The following MDC1 variants were observed in gnomAD, a reference collection of about 807,000 sequenced individuals.
MDC1 encodes the protein mediator of DNA damage checkpoint protein 1.
MDC1 carries 81 observed loss-of-function variants against 142.5 expected under a neutral mutation model. The ratio of observed to expected loss-of-function variants is 0.57; its 90% CI spans 0.47 to 0.68. The LOEUF is 0.68. MDC1 is among the 30% of genes least tolerant of loss of function. The pLI is 0.00. For missense variants in MDC1, 2,119 were observed against 2,547.9 expected (o/e 0.83, Z 3.62); for synonymous variants, 797 against 968.4 (o/e 0.82, Z 3.29).
chr6:30,700,712 C>A, intron 14 of MDC1, 80 bp from the exon 15 acceptor site: 1 of 1,422,364 alleles, frequency 7.0e-7, no homozygotes, highest in Non-Finnish European at 9.7e-7. Context: ...CCAGTCTTAC[C>A]ATCACTAAAA....
Position 30,704,404 on chromosome 6 carries a change from T to A in MDC1, c.4779A>T (p.Thr1593=), listed in dbSNP as rs371686223. ...SRNQLVTPEP[T]SRATRCRTNR... ...TTGTCCTGCACCTAGTGGCCCGAGA[T>A]GTGGGCTCAGGGGTGACAAGCTGGT... The change falls in exon 10 of 15, where the codon ACA becomes ACT. Residue 1593 remains threonine (T), a synonymous_variant. Coordinates refer to ENST00000376406, the MANE Select transcript of MDC1 (RefSeq NM_014641.3). The A allele has an allele frequency of 7.5e-6, 12 of 1,610,264 alleles. No individual in the cohort carries two copies. Among genetic ancestry groups the A allele is most frequent in the Non-Finnish European group, 7.6e-6 (9 of 1,179,062 alleles).
In MDC1 at chr6:30,704,371, G is replaced by C; in HGVS notation, c.4812C>G (p.Ser1604=). The change falls in exon 10 of 15, where the codon TCC becomes TCG. Residue 1604 remains serine (S), a synonymous_variant. Coordinates refer to ENST00000376406, the MANE Select transcript of MDC1 (RefSeq NM_014641.3). ...CAACTGGCTCAGGGGTCTTGACAGAGGACCTATTTGTCCTGCACCTAGTGG... is the reference window on the plus strand; with the variant it reads ...CAACTGGCTCAGGGGTCTTGACAGACGACCTATTTGTCCTGCACCTAGTGG... The part of the protein sequence containing the change: ...SRATRCRTNR[S]SVKTPEPVVP... 1.2e-6 allele frequency: 2 copies of C among 1,612,920 alleles called. No homozygotes were observed. Among genetic ancestry groups the C allele is most frequent in the African/African-American group, 2.7e-5 (2 of 74,762 alleles).
rs752537127 is a variant in MDC1 at position 30,715,031 on chromosome 6, C to T, written c.136+9G>A. ...TATATCAATACTTGAACATCCAATA[C>T]CCTCTGACCTTTTTCTGGTCCATGG... On this transcript the variant is annotated intron_variant, in intron 2 of 14. Transcript: ENST00000376406. This position sits in a 1 kb window ranked among gnomAD's most constrained non-coding sequence, Gnocchi z 4.1. 3 of 1,613,868 alleles carry T rather than the reference C, an allele frequency of 1.9e-6. No individual in the cohort carries two copies. Among genetic ancestry groups the T allele is most frequent in the Non-Finnish European group, 2.5e-6 (3 of 1,179,932 alleles).
chr6:30,711,351 A>G, intron 7 of MDC1, 61 bp downstream of exon 7: 2 of 1,449,694 alleles, frequency 1.4e-6, no homozygotes, highest in South Asian at 2.3e-5. Context: ...AGCCTGAGTG[A>G]CAGAGGAAAA....
rs768111715 is a variant in MDC1, at chr6:30,711,707, T to G, written c.2088A>C (p.Leu696=). ...TCTCCAGAAAGCACTGGGTAGCTTG[T>G]AGGTCCAGATCTTCAGAATCTGGTC... The part of the protein sequence containing the change: ...DNYGDSEDLD[L]QATQCFLENQ... The change falls in exon 6 of 15, where the codon CTA becomes CTC. Residue 696 remains leucine (L), a synonymous_variant. Coordinates refer to ENST00000376406, the MANE Select transcript of MDC1 (RefSeq NM_014641.3). The G allele has an allele frequency of 1.9e-6, 3 of 1,612,840 alleles. No homozygotes were observed. The African/African-American group carries it at 4.0e-5, about 22-fold the overall frequency.
In MDC1 at chr6:30,700,682, A is replaced by G. The variant is rs747461331; in HGVS notation, c.6103-50T>C. On this transcript the variant is annotated intron_variant, in intron 14 of 14. Coordinates refer to ENST00000376406, the MANE Select transcript of MDC1 (RefSeq NM_014641.3). ...AATCAGGTGAAAAAGAATCCTAGAA[A>G]TGGGTTCAGGACCCACTAACCAGTC... The G allele has an allele frequency of 9.9e-5, 159 of 1,603,292 alleles. No individual in the cohort carries two copies. The Admixed American group carries it at 2.6e-3, about 26-fold the overall frequency.
At position 30,705,885 on chromosome 6, in the gene MDC1, G is replaced by A. The variant is rs28994869; in HGVS notation, c.3298C>T (p.Pro1100Ser). The A allele has an allele frequency of 1.8e-5, 29 of 1,611,632 alleles. No individual in the cohort carries two copies. The highest frequency in any genetic ancestry group is 1.8e-4 in the South Asian group (16 of 90,890). Residue 1100 changes from proline (P) to serine (S), a missense_variant, in exon 10 of 15, where the codon CCT becomes TCT. Physicochemically the swap from Pro to Ser is moderately conservative, Grantham distance 74. Coordinates refer to ENST00000376406, the MANE Select transcript of MDC1 (RefSeq NM_014641.3). ...PEAPLSSELE[P>S]FHPKPKIRTR... ...CTAATTTTAGGCTTTGGGTGGAAAG[G>A]CTCCAGCTCTGAGGACAAGGGAGCC...
In MDC1 at chr6:30,701,390, A is replaced by ACT. The variant is rs201100233; in HGVS notation, c.6103-760_6103-759dup. 4.4e-3 allele frequency among the ~76,000 whole-genome samples: 657 copies of ACT among 150,756 alleles called. 6 individuals carry two copies. Among genetic ancestry groups the ACT allele is most frequent in the East Asian group, 0.018 (91 of 5,136 alleles). Reference sequence around the variant, plus strand: ...TACTCCAGCCTGGCGACAGAGTGAGACTCTCTCAAAAAAAAAAAATACTTT... The same window carrying ACT: ...TACTCCAGCCTGGCGACAGAGTGAGACTCTCTCTCAAAAAAAAAAAATACTTT... On this transcript the variant is annotated intron_variant, in intron 14 of 14. Coordinates refer to ENST00000376406, the MANE Select transcript of MDC1 (RefSeq NM_014641.3).
chr6:30,711,162 G>A (rs1774818503), intron 7 of MDC1, among the ~76,000 whole-genome samples: 1 of 152,190 alleles, frequency 6.6e-6, no homozygotes, highest in Non-Finnish European at 1.5e-5. Flanking sequence ...ATCACTTGAG[G>A]TCGGGAGTTT....
At chr6:30,714,607 G>C (rs6925437) in intron 2 of MDC1, among the ~76,000 whole-genome samples, 3,580 of 151,964 alleles carry the variant, frequency 0.024, 114 homozygotes, top group African/African-American at 0.07. Context: ...GAACTCTTGG[G>C]TTCAAGTGAT....
At position 30,715,329 on chromosome 6, in the gene MDC1, G is replaced by A. The variant is rs1775510225; in HGVS notation, c.-3-151C>T. On this transcript the variant is annotated intron_variant, in intron 1 of 14. Coordinates refer to ENST00000376406, the MANE Select transcript of MDC1 (RefSeq NM_014641.3). This position sits in a 1 kb window ranked among gnomAD's most constrained non-coding sequence, Gnocchi z 4.1. ...ATCTTTCTGTTGTTAACCTTCTGAA[G>A]CACTTAAAACATTTTTTTCTTTTTT... is the stretch of plus-strand genomic sequence containing the variant. Among the ~76,000 whole-genome samples, 1 of 151,468 alleles carries A rather than the reference G, an allele frequency of 6.6e-6. No individual in the cohort carries two copies. The highest frequency in any genetic ancestry group is 6.6e-5 in the Admixed American group (1 of 15,222).
chr6:30,707,827 C>G lies in MDC1; in HGVS notation c.2752G>C (p.Glu918Gln), dbSNP rs759668019. The G allele has an allele frequency of 6.2e-7, 1 of 1,613,124 alleles. No homozygotes were observed. The highest frequency in any genetic ancestry group is 1.1e-5 in the South Asian group (1 of 91,088). Residue 918 changes from glutamate (E) to glutamine (Q), a missense_variant, in exon 8 of 15, where the codon GAA becomes CAA. Glu to Gln is a conservative substitution (Grantham distance 29). Transcript: ENST00000376406. ...CTGTTTGCTACTGGTCTCTCTACTTCTCTCTCAAATGCTTTGCTTGGAAGG... is the reference window on the plus strand; with the variant it reads ...CTGTTTGCTACTGGTCTCTCTACTTGTCTCTCAAATGCTTTGCTTGGAAGG... ...QTLPSKAFER[E>Q]VERPVANREC...
Position 30,705,391 on chromosome 6 carries a change from G to A in MDC1, c.3792C>T (p.Pro1264=). ...TTCTTCCCCTAGTAGCCTGATATGTGGGCTCAGAAGTGACAGGCTGGTCTG... is the reference window on the plus strand; with the variant it reads ...TTCTTCCCCTAGTAGCCTGATATGTAGGCTCAGAAGTGACAGGCTGGTCTG... The part of the protein sequence containing the change: ...TSTDQPVTSE[P]TYQATRGRKN... Residue 1264 remains proline (P), a synonymous_variant, in exon 10 of 15, where the codon CCC becomes CCT. Transcript: ENST00000376406. 3 of 1,600,600 alleles carry A rather than the reference G, an allele frequency of 1.9e-6. No homozygotes were observed. In the South Asian group the frequency reaches 3.3e-5, roughly 18 times the overall value.
In MDC1 at chr6:30,707,084, T is replaced by C. The variant is rs144357922; in HGVS notation, c.3084+300A>G. ...CCTTTTTCCCACAGACCTGTCTCCA[T>C]AATGCTACTATAGTGTTCTCCACAC... On this transcript the variant is annotated intron_variant, in intron 9 of 14. Transcript: ENST00000376406. Among the ~76,000 whole-genome samples the C allele has an allele frequency of 1.3e-3, 193 of 152,324 alleles. 4 individuals are homozygous for C. Among genetic ancestry groups the C allele is most frequent in the Admixed American group, 0.012 (188 of 15,300 alleles).
intron 7 of MDC1, among the ~76,000 whole-genome samples, chr6:30,710,561 C>T (rs1191792443): frequency 6.6e-6 from 1 of 151,608 alleles, no homozygotes; most frequent in Non-Finnish European, 1.5e-5. Context: ...CCACACCCGG[C>T]TAATTTTGTA....
Position 30,712,580 on chromosome 6 carries a change from G to A in MDC1, c.1362C>T (p.Asp454=), listed in dbSNP as rs1318490015. The part of the protein sequence containing the change: ...RSQTTTERDS[D]TDVEEEELPV... ...GGAGCTCTTCCTCCTCCACGTCTGT[G>A]TCACTGTCTCTCTCAGTGGTGGTTT... Residue 454 remains aspartate (D), a synonymous_variant, in exon 5 of 15, where the codon GAC becomes GAT. Transcript: ENST00000376406. This position sits in a 1 kb window ranked among gnomAD's most constrained non-coding sequence, Gnocchi z 4.7. The A allele has an allele frequency of 6.2e-7, 1 of 1,613,032 alleles. No individual in the cohort carries two copies. Among genetic ancestry groups the A allele is most frequent in the Non-Finnish European group, 8.5e-7 (1 of 1,180,040 alleles).
chr6:30,702,256 CAAAAAAAAAAAAAA>C (rs57764077), intron 14 of MDC1, among the ~76,000 whole-genome samples: 6 of 59,142 alleles, frequency 1.0e-4, no homozygotes, highest in Admixed American at 4.4e-4. Context: ...GACTCCATCT[CAAAAAAAAAAAAAA>C]AAAAAAAAAA....
chr6:30,701,956 T>C (rs186293109), intron 14 of MDC1, among the ~76,000 whole-genome samples: 13 of 151,816 alleles, frequency 8.6e-5, no homozygotes, highest in African/African-American at 2.7e-4. Context: ...AATGAAATAC[T>C]TCAGCAAAGA....
Position 30,709,697 on chromosome 6 carries a change from C to T in MDC1, c.2222-1340G>A, listed in dbSNP as rs941310229. On this transcript the variant is annotated intron_variant, in intron 7 of 14. Transcript: ENST00000376406. This position sits in a 1 kb window ranked among gnomAD's most constrained non-coding sequence, Gnocchi z 4.2. ...ACCCTTCCTAGCCTTTGGTAACCAC[C>T]ATTCTACTCTCTACTTCCATGAGAT... is the stretch of plus-strand genomic sequence containing the variant. Among the ~76,000 whole-genome samples, 1 of 152,158 alleles carries T rather than the reference C, an allele frequency of 6.6e-6. No individual in the cohort carries two copies. Among genetic ancestry groups the T allele is most frequent in the Non-Finnish European group, 1.5e-5 (1 of 68,036 alleles).
Sources: gnomAD v4.1 joint callset for allele counts (sites outside exome capture counted in the v4.1 genomes callset) on GRCh38, gnomAD v4.1.1 for gene constraint, Gnocchi (gnomAD v3.1) non-coding constraint, MANE v1.5 for transcripts, NCBI Gene and HGNC (gene_info 2026-07-23, HGNC 2026-07-21) for gene names.